The following BAIAP3 variants were observed in gnomAD, a reference collection of about 807,000 sequenced individuals.
BAIAP3 encodes BAI1-associated protein 3.
In BAIAP3, 180 loss-of-function variants were observed where a neutral mutation model predicts 149.7. The observed-to-expected ratio is 1.20, with a 90% CI of 1.07 to 1.36. The LOEUF is 1.36. Among genes scored for constraint, BAIAP3 ranks in the 40% most tolerant of loss-of-function variants. BAIAP3 has a pLI of 0.00. For synonymous variants in BAIAP3, 845 were observed against 670.7 expected (o/e 1.26, Z -4.02); for missense variants, 1,767 against 1,563.4 (o/e 1.13, Z -2.20).
intron 21 of BAIAP3, 73 bp downstream of exon 21, chr16:1,345,172 C>G: frequency 6.2e-7 from 1 of 1,609,524 alleles, no homozygotes. Context: ...GGGGGACGGT[C>G]CTGGAGCTGT....
chr16:1,346,692 CGGGTGGGGTG>C lies in BAIAP3; in HGVS notation c.2642+11_2642+20del. The C allele has an allele frequency of 8.6e-6, 1 of 116,466 alleles. No individual in the cohort carries two copies. The highest frequency in any genetic ancestry group is 1.5e-5 in the Non-Finnish European group (1 of 66,416). 7.2% of individuals were successfully genotyped at this position (116,466 alleles called of 1,614,324 possible). ...GAAGGGGAACCTGAGCAGGTGCGGG[CGGGTGGGGTG>C]GGATGGGCTGGGCTGGCCCGTGGTC... On this transcript the variant is annotated intron_variant, in intron 27 of 33. Coordinates refer to ENST00000426824, the MANE Select transcript of BAIAP3 (RefSeq NM_001199097.2).
rs1596592965 is a variant in BAIAP3, at chr16:1,347,682, C to T, written c.2905-19C>T. 1.2e-6 allele frequency: 2 copies of T among 1,611,530 alleles called. No individual in the cohort carries two copies. The highest frequency in any genetic ancestry group is 1.7e-5 in the Admixed American group (1 of 59,940). On this transcript the variant is annotated intron_variant, in intron 30 of 33. Coordinates refer to ENST00000426824, the MANE Select transcript of BAIAP3 (RefSeq NM_001199097.2). The stretch of plus-strand genomic sequence containing the variant: ...CCGAGGCTCCCAGAGCCCAGCTGCG[C>T]TCACCCGCCTTTCCGCAGAGGACCC...
Position 1,348,825 on chromosome 16 carries a change from G to C in BAIAP3, c.*343G>C, listed in dbSNP as rs559285623. ...GCCCTGGGTGGGCGGTGGGCAGCTG[G>C]TCTCCAGGGACTCAGTGAGTGGCTG... On this transcript the variant is annotated 3_prime_UTR_variant, in exon 34 of 34. Coordinates refer to ENST00000426824, the MANE Select transcript of BAIAP3 (RefSeq NM_001199097.2). The C allele has an allele frequency of 4.7e-6, 2 of 429,924 alleles. No homozygotes were observed. The highest frequency in any genetic ancestry group is 8.6e-6 in the Non-Finnish European group (2 of 233,772). The allele number at this position is 429,924 out of a possible 1,614,324, so 26.6% of individuals were successfully genotyped here.
Position 1,338,594 on chromosome 16 carries a change from G to A in BAIAP3, c.45G>A (p.Val15=). The A allele has an allele frequency of 6.2e-7, 1 of 1,609,242 alleles. No individual in the cohort carries two copies. The highest frequency in any genetic ancestry group is 8.5e-7 in the Non-Finnish European group (1 of 1,178,396). ...TTAAGAGCAGCGTGCTCAGGCAGGT[G>A]CAGGTGTGCCCGTCCTTCCGCCGCA... ...LDIKSSVLRQ[V]QVCPSFRRRT... The change falls in exon 2 of 34, where the codon GTG becomes GTA. Residue 15 remains valine, a synonymous_variant. Transcript: ENST00000426824.
chr16:1,342,656 G>A (rs2034005225), intron 12 of BAIAP3, 22 bp downstream of exon 12: 1 of 1,605,812 alleles, frequency 6.2e-7, no homozygotes, highest in African/African-American at 1.3e-5. Flanking sequence ...GGGCGTCCCC[G>A]TCCTCCACCC....
intron 5 of BAIAP3, among the ~76,000 whole-genome samples, chr16:1,340,130 CAG>C (rs1326123848): frequency 8.9e-5 from 13 of 146,602 alleles, no homozygotes; most frequent in South Asian, 4.3e-4. Flanking sequence ...CACAGATGCA[CAG>C]GCACACAGGC....
rs1325019637 is a variant in BAIAP3 at position 1,349,084 on chromosome 16, T to C, written c.*602T>C. 3.0e-6 allele frequency: 1 copy of C among 333,146 alleles called. No homozygotes were observed. Among genetic ancestry groups the C allele is most frequent in the South Asian group, 2.9e-5 (1 of 34,628 alleles). The allele number at this position is 333,146 out of a possible 1,614,324, so 20.6% of individuals were successfully genotyped here. On this transcript the variant is annotated 3_prime_UTR_variant, in exon 34 of 34. Transcript: ENST00000426824. ...GGCCAGGGACGTCACCCAAGGCTGG[T>C]GGTCAGTGTGAAGGGCTCCGTGCCA...
chr16:1,344,118 G>A lies in BAIAP3; in HGVS notation c.1483G>A (p.Ala495Thr), dbSNP rs765199494. ...RDYFPATNST[A>T]VHRLELLLKC... ...CTACTTCCCTGCCACCAACAGCACC[G>A]CTGTCCACCGCCTGGAGCTGCTGCT... Residue 495 changes from alanine to threonine, a missense_variant, in exon 16 of 34, where the codon GCT becomes ACT. Transcript: ENST00000426824. 8 of 1,611,834 alleles carry A rather than the reference G, an allele frequency of 5.0e-6. No homozygotes were observed. The South Asian group carries it at 5.5e-5, about 11-fold the overall frequency.
chr16:1,341,258 G>T, intron 7 of BAIAP3, 36 bp from the exon 8 acceptor site: 2 of 1,606,590 alleles, frequency 1.2e-6, no homozygotes, highest in Non-Finnish European at 1.7e-6. Flanking sequence ...GGGCCAGAGG[G>T]CGTGGGGCCA....
At chr16:1,336,335 T>C in intron 1 of BAIAP3, 2 of 985,340 alleles carry the variant, frequency 2.0e-6, no homozygotes, top group Non-Finnish European at 2.4e-6. Context: ...GTACCCAGCC[T>C]ACCAAGCCCC....
At chr16:1,334,011 T>C (rs1313844376) in intron 1 of BAIAP3, among the ~76,000 whole-genome samples, 1 of 149,040 alleles carries the variant, frequency 6.7e-6, no homozygotes, top group African/African-American at 2.5e-5. Context: ...GGCGGTGGGG[T>C]CCGCACTGCG....
At position 1,342,731 on chromosome 16, in the gene BAIAP3, A is replaced by G; in HGVS notation, c.1078A>G (p.Met360Val). The G allele has an allele frequency of 6.2e-7, 1 of 1,612,514 alleles. No homozygotes were observed. Among genetic ancestry groups the G allele is most frequent in the East Asian group, 2.2e-5 (1 of 44,878 alleles). ...CTCTGCGTTGCAGAGGGATACGGCC[A>G]TGAGCCAGCGCGGGCGATCCGGCTT... ...KLITTQRDTA[M>V]SQRGRSGFLS... Residue 360 changes from methionine (M) to valine (V), a missense_variant, in exon 13 of 34, where the codon ATG becomes GTG. By Grantham distance (21) the Met-to-Val change is conservative. Transcript: ENST00000426824.
intron 5 of BAIAP3, among the ~76,000 whole-genome samples, chr16:1,339,992 T>TGCACACACACACAGGCTGCAGGTGCAC: frequency 7.6e-6 from 1 of 131,372 alleles, no homozygotes; most frequent in East Asian, 2.3e-4. Context: ...TGCAGGTGCA[T>TGCACACACACACAGGCTGCAGGTGCAC]ACAGATGCAC....
intron 5 of BAIAP3, among the ~76,000 whole-genome samples, chr16:1,340,008 C>T (rs1192642629): frequency 1.4e-5 from 2 of 142,380 alleles, no homozygotes; most frequent in Non-Finnish European, 3.0e-5. Flanking sequence ...TGCACACGCA[C>T]ACAGGCTGCA....
intron 15 of BAIAP3, among the ~76,000 whole-genome samples, 171 bp from the exon 16 acceptor site, chr16:1,343,851 C>T (rs1422528668): frequency 8.1e-6 from 1 of 123,236 alleles, no homozygotes; most frequent in Non-Finnish European, 1.6e-5. Flanking sequence ...GAAACCGAGG[C>T]TGGGACAGGC....
intron 9 of BAIAP3, 56 bp from the exon 10 acceptor site, chr16:1,341,930 A>G: frequency 6.3e-7 from 1 of 1,589,900 alleles, no homozygotes. Flanking sequence ...AGCAGGACGG[A>G]CTCAGGGCCC....
At chr16:1,343,094 G>T in intron 14 of BAIAP3, 78 bp downstream of exon 14, 2 of 1,336,208 alleles carry the variant, frequency 1.5e-6, no homozygotes, top group Non-Finnish European at 2.1e-6. Context: ...CATGCGGTGA[G>T]TGGATGTCGT....
Position 1,346,258 on chromosome 16 carries a change from G to A in BAIAP3, c.2390G>A (p.Gly797Glu). Residue 797 changes from glycine (G) to glutamate (E), a missense_variant, in exon 25 of 34, where the codon GGG (glycine) becomes GAG (glutamate). Coordinates refer to ENST00000426824, the MANE Select transcript of BAIAP3 (RefSeq NM_001199097.2). ...KGLAWPEGAT[G>E]PEGVLPRPLL... Reference sequence around the variant, plus strand: ...CTGGCATGGCCAGAGGGGGCCACGGGGCCCGAGGGGGTGCTCCCCCGCCCT... The same window carrying A: ...CTGGCATGGCCAGAGGGGGCCACGGAGCCCGAGGGGGTGCTCCCCCGCCCT... 6.2e-7 allele frequency: 1 copy of A among 1,610,612 alleles called. No individual in the cohort carries two copies. Among genetic ancestry groups the A allele is most frequent in the Non-Finnish European group, 8.5e-7 (1 of 1,178,704 alleles).
intron 4 of BAIAP3, 34 bp from the exon 5 acceptor site, chr16:1,339,462 C>A (rs780446143): frequency 3.2e-6 from 5 of 1,579,468 alleles, no homozygotes; most frequent in Non-Finnish European, 4.3e-6. Context: ...GGGCCTGGGA[C>A]GCGGCACTGT....
Sources: gnomAD v4.1 joint callset for allele counts (sites outside exome capture counted in the v4.1 genomes callset) on GRCh38, gnomAD v4.1.1 for gene constraint, MANE v1.5 for transcripts, NCBI Gene and HGNC (gene_info 2026-07-23, HGNC 2026-07-21) for gene names.